The following EPS15 variants were observed in gnomAD, a reference collection of about 807,000 sequenced individuals.
EPS15 encodes epidermal growth factor receptor substrate 15.
Under a neutral mutation model 113.8 loss-of-function variants are expected in EPS15, and 72 were observed. The observed-to-expected ratio is 0.63, with a 90% confidence interval of 0.52 to 0.77. EPS15 has a LOEUF of 0.77. Among genes scored for constraint, EPS15 ranks in the 30% least tolerant of loss-of-function variants. The pLI, the probability that EPS15 is intolerant of heterozygous loss-of-function variation, is 0.00. For synonymous variants in EPS15, 344 were observed against 363.4 expected, an observed-to-expected ratio of 0.95 and a Z score of 0.61; for missense variants, 1,048 against 1,045.8, an observed-to-expected ratio of 1.00 and a Z score of -0.03.
intron 1 of EPS15, among the ~76,000 whole-genome samples, chr1:51,512,806 T>C (rs1180994009): frequency 6.6e-6 from 1 of 151,716 alleles, no homozygotes; most frequent in Non-Finnish European, 1.5e-5. Flanking sequence ...CAAACATGTG[T>C]GCTGCTACAG....
At position 51,367,064 on chromosome 1, in the gene EPS15, T is replaced by C. The variant is rs986379124; in HGVS notation, c.2120-1035A>G. The stretch of plus-strand genomic sequence containing the variant: ...CAAATAATAATAAAACAGTCTTATA[T>C]GGGTTATGAAAGAGGTATGAAAAAC... On this transcript the variant is annotated intron_variant, in intron 21 of 24. Coordinates refer to ENST00000371733, the MANE Select transcript of EPS15 (RefSeq NM_001981.3). 5.9e-5 allele frequency among the ~76,000 whole-genome samples: 9 copies of C among 152,292 alleles called. 1 individual carries two copies. In the South Asian group the frequency reaches 1.0e-3, roughly 18 times the overall value.
At chr1:51,392,124 T>C (rs1273824038) in intron 21 of EPS15, among the ~76,000 whole-genome samples, 1 of 151,886 alleles carries the variant, frequency 6.6e-6, no homozygotes, top group Non-Finnish European at 1.5e-5. Context: ...AGAGGAAATA[T>C]CAACAAAGGA....
rs148659592 is a variant in EPS15 at position 51,415,922 on chromosome 1, C to T, written c.1113+5864G>A. On this transcript the variant is annotated intron_variant, in intron 13 of 24. Transcript: ENST00000371733. The stretch of plus-strand genomic sequence containing the variant: ...TGCACAAAATCAAAATGAACTCATG[C>T]AAATATACATGCTAATAACAAATTT... Among the ~76,000 whole-genome samples the T allele has an allele frequency of 1.6e-3, 246 of 149,244 alleles. 3 individuals are homozygous for T. Among genetic ancestry groups the T allele is most frequent in the Middle Eastern group, 0.011 (3 of 276 alleles).
intron 1 of EPS15, among the ~76,000 whole-genome samples, chr1:51,510,550 TC>T (rs750959526): frequency 5.9e-5 from 9 of 152,200 alleles, no homozygotes; most frequent in Non-Finnish European, 1.2e-4. Context: ...AAGAATGTTT[TC>T]CTTCCAGGAT....
chr1:51,508,343 A>AGAAAGAAAG (rs1291706407), intron 1 of EPS15, among the ~76,000 whole-genome samples: 106 of 101,706 alleles, frequency 1.0e-3, no homozygotes, highest in African/African-American at 4.7e-3. Flanking sequence ...AAAGAGAGAA[A>AGAAAGAAAG]GAAAGAAAGA....
chr1:51,434,628 T>C (rs1651992012), intron 12 of EPS15, among the ~76,000 whole-genome samples: 1 of 152,160 alleles, frequency 6.6e-6, no homozygotes, highest in African/African-American at 2.4e-5. Context: ...ATGAAAAGTC[T>C]TGGAAATGAA....
intron 21 of EPS15, among the ~76,000 whole-genome samples, chr1:51,366,643 T>G (rs1646514352): frequency 6.6e-6 from 1 of 152,218 alleles, no homozygotes; most frequent in Non-Finnish European, 1.5e-5. Flanking sequence ...TCAAATAATA[T>G]AGCTCCTATG....
intron 1 of EPS15, among the ~76,000 whole-genome samples, chr1:51,495,608 T>G (rs1361982124): frequency 6.6e-6 from 1 of 152,062 alleles, no homozygotes; most frequent in African/African-American, 2.4e-5. Context: ...TTTCTTAAAG[T>G]GAACTAAGAA....
At chr1:51,492,949 C>T (rs1286068492) in intron 1 of EPS15, among the ~76,000 whole-genome samples, 2 of 152,136 alleles carry the variant, frequency 1.3e-5, no homozygotes, top group Non-Finnish European at 2.9e-5. Context: ...AAACAACAGC[C>T]GGGCGCGGTG....
chr1:51,356,729 G>A lies in EPS15; in HGVS notation c.2662C>T (p.Leu888Phe). The A allele has an allele frequency of 6.2e-7, 1 of 1,613,966 alleles. No individual in the cohort carries two copies. The highest frequency in any genetic ancestry group is 8.5e-7 in the Non-Finnish European group (1 of 1,179,892). ...EQEDLELAIA[L>F]SKSEISEA ...GCTTCTGATATCTCAGATTTGCTGAGTGCAATAGCCAGTTCTAAGTCTTCT... is the reference window on the plus strand; with the variant it reads ...GCTTCTGATATCTCAGATTTGCTGAATGCAATAGCCAGTTCTAAGTCTTCT... Residue 888 changes from leucine (L) to phenylalanine (F), a missense_variant, in exon 25 of 25, where the codon CTC (leucine) becomes TTC (phenylalanine). Leu to Phe is a conservative substitution (Grantham distance 22, BLOSUM62 0). Coordinates refer to ENST00000371733, the MANE Select transcript of EPS15 (RefSeq NM_001981.3).
chr1:51,411,707 A>G lies in EPS15; in HGVS notation c.1114-2011T>C, dbSNP rs1024813709. ...TCTCTCATTAACCCGTCAGGAAACAACAGAAGCTGGAGAGGATGTGGAGAA... is the reference window on the plus strand; with the variant it reads ...TCTCTCATTAACCCGTCAGGAAACAGCAGAAGCTGGAGAGGATGTGGAGAA... On this transcript the variant is annotated intron_variant, in intron 13 of 24. Transcript: ENST00000371733. Among the ~76,000 whole-genome samples the G allele has an allele frequency of 4.6e-5, 7 of 152,314 alleles. No individual in the cohort carries two copies. The Middle Eastern group carries it at 0.01, about 222-fold the overall frequency.
chr1:51,421,219 C>T (rs1274043457), intron 13 of EPS15, among the ~76,000 whole-genome samples: 1 of 152,136 alleles, frequency 6.6e-6, no homozygotes, highest in Admixed American at 6.6e-5. Context: ...TTTAACACAA[C>T]ACCTAATGAA....
chr1:51,468,366 A>C, intron 5 of EPS15, 107 bp downstream of exon 5: 1 of 832,494 alleles, frequency 1.2e-6, no homozygotes, highest in South Asian at 1.5e-5. Context: ...AGCTGAGTGA[A>C]AGGGCCAAAG....
intron 7 of EPS15, among the ~76,000 whole-genome samples, chr1:51,462,870 A>ATTTTTTTTTTTTTTTTT (rs34320767): frequency 6.3e-5 from 7 of 111,068 alleles, no homozygotes; most frequent in African/African-American, 1.4e-4. Context: ...AAAAAGTCAG[A>ATTTTTTTTTTTTTTTTT]TTTTTTTTTT....
At chr1:51,500,588 T>G (rs1644394584) in intron 1 of EPS15, among the ~76,000 whole-genome samples, 1 of 152,110 alleles carries the variant, frequency 6.6e-6, no homozygotes, top group Admixed American at 6.6e-5. Context: ...TAATCACAGC[T>G]CACTGCAGCC....
At chr1:51,382,446 T>C (rs1447951356) in intron 21 of EPS15, 1 of 142,260 alleles carries the variant, frequency 7.0e-6, no homozygotes, top group Non-Finnish European at 1.5e-5. Flanking sequence ...TGAGACAGAG[T>C]CTCGCTTTGT....
chr1:51,483,438 T>C (rs1644059533), intron 1 of EPS15, among the ~76,000 whole-genome samples: 1 of 149,610 alleles, frequency 6.7e-6, no homozygotes, highest in Non-Finnish European at 1.5e-5. Context: ...TGTGTGTGTG[T>C]GTCTCATACT....
intron 8 of EPS15, among the ~76,000 whole-genome samples, chr1:51,453,706 A>C (rs1490433622): frequency 6.6e-6 from 1 of 152,178 alleles, no homozygotes; most frequent in Non-Finnish European, 1.5e-5. Flanking sequence ...GACAGGAGGG[A>C]AAGAGGGGAT....
At chr1:51,395,981 A>G (rs1206248183) in intron 20 of EPS15, among the ~76,000 whole-genome samples, 4 of 152,262 alleles carry the variant, frequency 2.6e-5, no homozygotes, top group Non-Finnish European at 1.5e-5. Flanking sequence ...TTAATTGTAG[A>G]GAAAGGTAAT....
Sources: gnomAD v4.1 joint callset for allele counts (sites outside exome capture counted in the v4.1 genomes callset) on GRCh38, gnomAD v4.1.1 for gene constraint, MANE v1.5 for transcripts, NCBI Gene and HGNC (gene_info 2026-07-23, HGNC 2026-07-21) for gene names.